Variants in TMEM171 observed in about 807,000 individuals in gnomAD.
The protein encoded by TMEM171 is transmembrane protein 171.
TMEM171 carries 16 observed loss-of-function variants against 19.1 expected under a neutral mutation model. That is an observed-to-expected ratio of 0.84 (90% CI 0.57 to 1.27). The LOEUF is 1.27. Ranked by LOEUF, TMEM171 falls within the 50% of genes most tolerant of loss-of-function variation. TMEM171 has a pLI of 0.00. For missense variants in TMEM171, 429 were observed against 412.7 expected (o/e 1.04, Z -0.34); for synonymous variants, 153 against 163.4 (o/e 0.94, Z 0.48).
chr5:73,123,628 C>G lies in TMEM171; in HGVS notation c.255C>G (p.Leu85=). The G allele has an allele frequency of 2.5e-6, 4 of 1,614,216 alleles. No homozygotes were observed. The highest frequency in any genetic ancestry group is 3.4e-6 in the Non-Finnish European group (4 of 1,180,034). Residue 85 remains leucine, a synonymous_variant, in exon 2 of 4, where the codon CTC becomes CTG. Transcript: ENST00000454765. ...ILARSRAQLQ[L]RAGLQRGQQM... ...CCCGCTCCCGGGCGCAACTTCAGCT[C>G]CGTGCAGGGCTGCAGAGAGGTCAGC...
At chr5:73,128,646 T>C in intron 3 of TMEM171, 115 bp downstream of exon 3, 2 of 1,364,522 alleles carry the variant, frequency 1.5e-6, no homozygotes, top group Non-Finnish European at 2.0e-6. Context: ...GCTGATGTTA[T>C]GTCAGAATTA....
intron 2 of TMEM171, 116 bp downstream of exon 2, chr5:73,124,129 C>A: frequency 1.1e-6 from 1 of 916,650 alleles, no homozygotes; most frequent in Non-Finnish European, 1.6e-6. Context: ...ATCTCTCACA[C>A]ATGTGTGTGC....
intron 2 of TMEM171, among the ~76,000 whole-genome samples, chr5:73,127,382 A>ATATATAT (rs879892153): frequency 1.5e-3 from 105 of 68,272 alleles, no homozygotes; most frequent in Middle Eastern, 7.2e-3. Flanking sequence ...AAAAAAAAAA[A>ATATATAT]AAATATATAT....
rs563856651 is a variant in TMEM171, at chr5:73,128,685, G to A, written c.782+154G>A. On this transcript the variant is annotated intron_variant, in intron 3 of 3. Coordinates refer to ENST00000454765, the MANE Select transcript of TMEM171 (RefSeq NM_173490.8). ...TCTTGATATTAACAGTACCTTTGCC[G>A]AAATTTGGGCAGCACATAAGTTAAA... 2.4e-3 allele frequency among the ~76,000 whole-genome samples: 26 copies of A among 10,624 alleles called. No homozygotes were observed. The East Asian group carries it at 0.17, about 68-fold the overall frequency. 7.0% of individuals were successfully genotyped at this position (10,624 alleles called of 152,430 possible). A position where few individuals can be genotyped will look rare whatever the true frequency, so the allele number is the denominator to read the frequency against.
chr5:73,124,737 A>G (rs748352215), intron 2 of TMEM171, among the ~76,000 whole-genome samples: 26 of 152,190 alleles, frequency 1.7e-4, no homozygotes, highest in Non-Finnish European at 3.5e-4. Context: ...AATGCCTACA[A>G]GTTCCTTTTG....
intron 3 of TMEM171, 141 bp from the exon 4 acceptor site, chr5:73,131,397 T>A: frequency 1.8e-6 from 1 of 561,732 alleles, no homozygotes; most frequent in Non-Finnish European, 2.9e-6. Context: ...CTATGAAAAG[T>A]AGAGTGAGGG....
intron 2 of TMEM171, among the ~76,000 whole-genome samples, chr5:73,127,384 A>AAAATATATATATATATATATATAT: frequency 3.6e-4 from 29 of 81,648 alleles, no homozygotes; most frequent in South Asian, 8.8e-4. Flanking sequence ...AAAAAAAAAA[A>AAAATATATATATATATATATATAT]ATATATATAT....
chr5:73,125,891 G>T lies in TMEM171; in HGVS notation c.640+1878G>T, dbSNP rs188560909. Among the ~76,000 whole-genome samples the T allele has an allele frequency of 3.0e-3, 463 of 152,284 alleles. 3 individuals carry two copies. The highest frequency in any genetic ancestry group is 4.7e-3 in the Non-Finnish European group (317 of 68,026). ...CTCTCCTTTGATATTGTGGAATAGG[G>T]TTTACATTTTTAGAATCCAAGAAGC... On this transcript the variant is annotated intron_variant, in intron 2 of 3. Transcript: ENST00000454765.
At chr5:73,123,225 T>C in intron 1 of TMEM171, 81 bp from the exon 2 acceptor site, 1 of 1,293,404 alleles carries the variant, frequency 7.7e-7, no homozygotes, top group South Asian at 1.6e-5. Flanking sequence ...GTGGTGTGAT[T>C]TCAGAAATGA....
At chr5:73,121,138 A>T (rs6452821) in intron 1 of TMEM171, among the ~76,000 whole-genome samples, 123,292 of 152,028 alleles carry the variant, frequency 0.81, 50,660 homozygotes, top group African/African-American at 0.95. Flanking sequence ...CCACACTATT[A>T]TGGATCAGAG....
At chr5:73,131,214 G>C (rs1744345459) in intron 3 of TMEM171, among the ~76,000 whole-genome samples, 2 of 143,546 alleles carry the variant, frequency 1.4e-5, no homozygotes, top group South Asian at 4.6e-4. Flanking sequence ...CAGAATAGCA[G>C]AGAACAGTAA....
At chr5:73,123,231 A>G (rs1463552915) in intron 1 of TMEM171, 75 bp from the exon 2 acceptor site, 2 of 1,340,610 alleles carry the variant, frequency 1.5e-6, no homozygotes, top group Non-Finnish European at 2.0e-6. Flanking sequence ...TGATTTCAGA[A>G]ATGATCAGCA....
chr5:73,129,975 A>AG (rs1319257510), intron 3 of TMEM171, among the ~76,000 whole-genome samples: 2 of 151,970 alleles, frequency 1.3e-5, no homozygotes, highest in Non-Finnish European at 2.9e-5. Flanking sequence ...AGCCTGGGGG[A>AG]GGGGGTCTGG....
intron 2 of TMEM171, among the ~76,000 whole-genome samples, chr5:73,125,843 A>T (rs1453370147): frequency 1.3e-5 from 2 of 152,208 alleles, no homozygotes; most frequent in Non-Finnish European, 2.9e-5. Context: ...CATCAAACCT[A>T]TGAAAATCTT....
intron 3 of TMEM171, among the ~76,000 whole-genome samples, chr5:73,129,936 C>G (rs945964120): frequency 2.0e-5 from 3 of 152,296 alleles, no homozygotes; most frequent in Non-Finnish European, 2.9e-5. Context: ...GCGAGGCAGG[C>G]TCTAGTGGGA....
intron 3 of TMEM171, among the ~76,000 whole-genome samples, chr5:73,131,139 T>C (rs1744343779): frequency 6.6e-6 from 1 of 152,168 alleles, no homozygotes; most frequent in Admixed American, 6.5e-5. Flanking sequence ...TTCAGGTTTG[T>C]GGCTTAATGT....
intron 2 of TMEM171, among the ~76,000 whole-genome samples, chr5:73,127,165 A>G (rs770041612): frequency 2.0e-4 from 30 of 152,106 alleles, no homozygotes; most frequent in African/African-American, 5.8e-4. Context: ...GCCAACAGCT[A>G]ACTTGTGAAT....
At chr5:73,122,466 C>T (rs1164020261) in intron 1 of TMEM171, among the ~76,000 whole-genome samples, 2 of 152,160 alleles carry the variant, frequency 1.3e-5, no homozygotes, top group African/African-American at 2.4e-5. Context: ...AGAGTAGTGG[C>T]GTGATCTTGG....
chr5:73,130,028 A>G (rs1292445878), intron 3 of TMEM171, among the ~76,000 whole-genome samples: 6 of 152,086 alleles, frequency 3.9e-5, no homozygotes, highest in Admixed American at 3.9e-4. Context: ...GATGAGTTCC[A>G]GGGTGAGTGA....
Sources: gnomAD v4.1 joint callset for allele counts (sites outside exome capture counted in the v4.1 genomes callset) on GRCh38, gnomAD v4.1.1 for gene constraint, MANE v1.5 for transcripts, NCBI Gene and HGNC (gene_info 2026-07-23, HGNC 2026-07-21) for gene names.